SGMS1: variants seen among roughly 807,000 people sequenced by gnomAD.
The protein encoded by SGMS1 is sphingomyelin synthase 1, also known as phosphatidylcholine:ceramide cholinephosphotransferase 1.
Under a neutral mutation model 46.2 loss-of-function variants are expected in SGMS1, and 13 were observed. The ratio of observed to expected loss-of-function variants is 0.28; its 90% CI spans 0.18 to 0.45. SGMS1 has a LOEUF of 0.45. Ranked by LOEUF, SGMS1 falls within the 20% of genes least tolerant of loss-of-function variation. The probability of loss-of-function intolerance (pLI) is 1.00; values close to 1 mark genes in which losing one functional copy is unlikely to be tolerated. For synonymous variants in SGMS1, 203 were observed against 187.8 expected (o/e 1.08, Z -0.66); for missense variants, 324 against 519.9 (o/e 0.62, Z 3.66).
intron 3 of SGMS1, among the ~76,000 whole-genome samples, chr10:50,502,372 T>C (rs77706175): frequency 0.011 from 1,645 of 148,994 alleles, 32 homozygotes; most frequent in African/African-American, 0.039. Flanking sequence ...TCCAGGCTCC[T>C]CCCTAACTGA....
chr10:50,410,949 G>T (rs1849087839), intron 6 of SGMS1, among the ~76,000 whole-genome samples: 2 of 152,186 alleles, frequency 1.3e-5, no homozygotes, highest in Admixed American at 1.3e-4. Flanking sequence ...ACCAAGTTAT[G>T]GTCTCTTGTT....
At chr10:50,458,019 T>C (rs1837214410) in intron 5 of SGMS1, among the ~76,000 whole-genome samples, 2 of 152,150 alleles carry the variant, frequency 1.3e-5, no homozygotes, top group African/African-American at 4.8e-5. Context: ...GGGTGGGAAA[T>C]GGCATGCAGC....
Position 50,459,850 on chromosome 10 carries a change from C to T in SGMS1, c.-313+823G>A, listed in dbSNP as rs1050052301. On this transcript the variant is annotated intron_variant, in intron 5 of 10. Transcript: ENST00000361781. ...GAATAGCAGGCAAGTTGTTTAACCACTTGGAACCTTATTTCCTCATCTGCA... is the reference window on the plus strand; with the variant it reads ...GAATAGCAGGCAAGTTGTTTAACCATTTGGAACCTTATTTCCTCATCTGCA... The T allele has an allele frequency of 6.6e-5, 10 of 152,384 alleles. No individual in the cohort carries two copies. The South Asian group carries it at 1.7e-3, about 25-fold the overall frequency. 9.4% of individuals were successfully genotyped at this position (152,384 alleles called of 1,614,324 possible). A position where few individuals can be genotyped will look rare whatever the true frequency, so the allele number is the denominator to read the frequency against.
intron 2 of SGMS1, among the ~76,000 whole-genome samples, chr10:50,555,685 C>T (rs1382164774): frequency 6.6e-6 from 1 of 152,126 alleles, no homozygotes; most frequent in African/African-American, 2.4e-5. Context: ...AGTTTAGCTC[C>T]CAAATATAGA....
chr10:50,341,427 C>T (rs764380748), intron 7 of SGMS1: 7 of 455,900 alleles, frequency 1.5e-5, no homozygotes, highest in Admixed American at 2.3e-5. Context: ...CTTTCATTTC[C>T]CACATCCCTA....
At chr10:50,575,118 G>A (rs565715287) in intron 2 of SGMS1, among the ~76,000 whole-genome samples, 1 of 151,838 alleles carries the variant, frequency 6.6e-6, no homozygotes, top group Non-Finnish European at 1.5e-5. Flanking sequence ...CCAGGGAACG[G>A]GGGTGGATAT....
chr10:50,476,097 CAAAAAAAAAAAA>C (rs58641986), intron 3 of SGMS1, among the ~76,000 whole-genome samples: 1,058 of 43,352 alleles, frequency 0.024, 33 homozygotes, highest in African/African-American at 0.081. Context: ...ACTAAAAATA[CAAAAAAAAAAAA>C]AAAAAAAAAA....
At chr10:50,393,011 A>G (rs1221744318) in intron 6 of SGMS1, among the ~76,000 whole-genome samples, 1 of 151,904 alleles carries the variant, frequency 6.6e-6, no homozygotes, top group Non-Finnish European at 1.5e-5. Flanking sequence ...TTTTTAATGA[A>G]CCAAAAAATT....
intron 4 of SGMS1, among the ~76,000 whole-genome samples, chr10:50,461,035 A>T (rs998266308): frequency 6.6e-6 from 1 of 152,134 alleles, no homozygotes; most frequent in Non-Finnish European, 1.5e-5. Flanking sequence ...ACAGTAGTAT[A>T]ATATATACAT....
intron 6 of SGMS1, among the ~76,000 whole-genome samples, chr10:50,431,310 G>A (rs1223592878): frequency 1.3e-5 from 2 of 152,078 alleles, no homozygotes; most frequent in Non-Finnish European, 2.9e-5. Context: ...AGAGGAAATC[G>A]GGGAAATGAA....
At chr10:50,520,338 C>T (rs1007302356) in intron 2 of SGMS1, among the ~76,000 whole-genome samples, 15 of 151,786 alleles carry the variant, frequency 9.9e-5, no homozygotes, top group Admixed American at 3.3e-4. Context: ...TGCAGTGCGC[C>T]GTGATTGCAC....
chr10:50,390,924 G>A (rs1413710844), intron 6 of SGMS1, among the ~76,000 whole-genome samples: 1 of 152,132 alleles, frequency 6.6e-6, no homozygotes, highest in African/African-American at 2.4e-5. Flanking sequence ...CTGGGTCTGG[G>A]GTAGCAGTGG....
At chr10:50,494,316 A>G (rs1326800620) in intron 3 of SGMS1, among the ~76,000 whole-genome samples, 3 of 152,230 alleles carry the variant, frequency 2.0e-5, no homozygotes, top group Admixed American at 6.5e-5. Flanking sequence ...TATTATAAAG[A>G]TACATGCATG....
intron 8 of SGMS1, among the ~76,000 whole-genome samples, chr10:50,324,729 A>C (rs1278095364): frequency 6.6e-6 from 1 of 152,238 alleles, no homozygotes; most frequent in East Asian, 1.9e-4. Context: ...TTAAGTCTGC[A>C]GAGCCAACTT....
chr10:50,601,158 C>G (rs921979101), intron 1 of SGMS1, among the ~76,000 whole-genome samples: 3 of 151,968 alleles, frequency 2.0e-5, no homozygotes, highest in African/African-American at 4.8e-5. Context: ...GATAGGGGCT[C>G]GAGAATGAGC....
intron 8 of SGMS1, 70 bp from the exon 9 acceptor site, chr10:50,311,485 C>T (rs1847250921): frequency 7.4e-7 from 1 of 1,343,600 alleles, no homozygotes; most frequent in South Asian, 1.2e-5. Context: ...GCGAAGATTA[C>T]TATTCATATC....
intron 6 of SGMS1, among the ~76,000 whole-genome samples, chr10:50,369,550 CAA>C (rs549149612): frequency 3.8e-5 from 5 of 130,924 alleles, no homozygotes; most frequent in Non-Finnish European, 5.0e-5. Flanking sequence ...ATACATATGC[CAA>C]AAAAAAAAAG....
intron 5 of SGMS1, among the ~76,000 whole-genome samples, chr10:50,458,850 T>C (rs890908619): frequency 7.2e-5 from 11 of 152,210 alleles, no homozygotes; most frequent in Non-Finnish European, 1.3e-4. Flanking sequence ...AAATTTCAAA[T>C]TATTTAGCCC....
intron 6 of SGMS1, among the ~76,000 whole-genome samples, chr10:50,352,992 C>T (rs561526088): frequency 2.6e-5 from 4 of 152,194 alleles, no homozygotes; most frequent in East Asian, 1.9e-4. Flanking sequence ...GATTCACAGC[C>T]GAATTCTACC....
Sources: allele counts gnomAD v4.1 joint callset (sites outside exome capture counted in the v4.1 genomes callset), GRCh38; gene constraint gnomAD v4.1.1; transcripts MANE v1.5; gene names NCBI Gene and HGNC (gene_info 2026-07-23, HGNC 2026-07-21).